Variants in ATXN2 observed in about 807,000 individuals in gnomAD.
ATXN2 encodes ataxin-2.
A neutral mutation model predicts 138.6 loss-of-function variants in ATXN2; 37 were observed. The ratio of observed to expected loss-of-function variants is 0.27; its 90% confidence interval spans 0.21 to 0.35. ATXN2 has a LOEUF of 0.35. Ranked by LOEUF, ATXN2 falls within the 10% of genes least tolerant of loss-of-function variation. The pLI is 1.00. For missense variants in ATXN2, 1,216 were observed against 1,480.3 expected (o/e 0.82, Z 2.93); for synonymous variants, 549 against 543.7 (o/e 1.01, Z -0.13).
At chr12:111,588,879 C>A (rs1884484131) in intron 1 of ATXN2, among the ~76,000 whole-genome samples, 1 of 149,554 alleles carries the variant, frequency 6.7e-6, no homozygotes, top group Admixed American at 6.8e-5. Context: ...CATGTAGTCC[C>A]AGCTACTCGG....
chr12:111,561,872 C>A (rs965957256), intron 1 of ATXN2, among the ~76,000 whole-genome samples: 3 of 151,558 alleles, frequency 2.0e-5, no homozygotes, highest in African/African-American at 7.3e-5. Flanking sequence ...AGTGCAGTGG[C>A]ATGATCTTGA....
Position 111,598,743 on chromosome 12 carries a change from G to A in ATXN2, c.251+41C>T. 8.7e-7 allele frequency: 1 copy of A among 1,152,270 alleles called. No homozygotes were observed. Among genetic ancestry groups the A allele is most frequent in the East Asian group, 4.1e-5 (1 of 24,608 alleles). 71.4% of individuals were successfully genotyped at this position (1,152,270 alleles called of 1,614,324 possible). On this transcript the variant is annotated intron_variant, in intron 1 of 24. Coordinates refer to ENST00000673436, the MANE Select transcript of ATXN2 (RefSeq NM_001372574.1). The surrounding 1 kb of genome is among the most constrained non-coding windows in gnomAD (Gnocchi z 4.5). ...CGGCGCGGGCCGCGGGGGAGGGGAC[G>A]CCGGGCCCGGAGCGGAGGGGGCTGG...
At chr12:111,563,422 G>T (rs1244721134) in intron 1 of ATXN2, among the ~76,000 whole-genome samples, 1 of 152,088 alleles carries the variant, frequency 6.6e-6, no homozygotes, top group African/African-American at 2.4e-5. Context: ...CAGAATAACA[G>T]TTTGACACAA....
chr12:111,542,833 T>C (rs1189786324), intron 5 of ATXN2, among the ~76,000 whole-genome samples: 1 of 152,160 alleles, frequency 6.6e-6, no homozygotes, highest in East Asian at 1.9e-4. Context: ...CACACAGTAT[T>C]TTTTTATCGT....
intron 21 of ATXN2, among the ~76,000 whole-genome samples, chr12:111,459,394 C>G (rs1479722245): frequency 6.6e-6 from 1 of 152,176 alleles, no homozygotes; most frequent in Admixed American, 6.5e-5. Context: ...AAATTTCGAA[C>G]CTGAGTTTGT....
At chr12:111,539,232 C>T (rs1881356463) in intron 5 of ATXN2, among the ~76,000 whole-genome samples, 1 of 149,980 alleles carries the variant, frequency 6.7e-6, no homozygotes, top group African/African-American at 2.4e-5. Flanking sequence ...GCCTGTAATC[C>T]GAGCACTTTG....
chr12:111,485,427 T>C, intron 17 of ATXN2, 96 bp from the exon 18 acceptor site: 2 of 1,234,476 alleles, frequency 1.6e-6, no homozygotes, highest in Non-Finnish European at 2.3e-6. Context: ...GAGCTAGGCA[T>C]GAGAAGGTTT....
At chr12:111,550,056 C>T (rs1377948248) in intron 5 of ATXN2, among the ~76,000 whole-genome samples, 4 of 133,698 alleles carry the variant, frequency 3.0e-5, no homozygotes, top group Admixed American at 1.6e-4. Context: ...AGCGAAACTC[C>T]GTCTCCAAAA....
Position 111,599,081 on chromosome 12 carries a change from G to A in ATXN2, c.-47C>T, listed in dbSNP as rs1205645770. The A allele has an allele frequency of 2.4e-5, 33 of 1,381,060 alleles. No individual in the cohort carries two copies. The highest frequency in any genetic ancestry group is 3.1e-5 in the Non-Finnish European group (33 of 1,066,382). 85.6% of individuals were successfully genotyped at this position (1,381,060 alleles called of 1,614,324 possible). On this transcript the variant is annotated 5_prime_UTR_variant, in exon 1 of 25. Coordinates refer to ENST00000673436, the MANE Select transcript of ATXN2 (RefSeq NM_001372574.1). ...CTCGCACGCCGGGCGGGGACAGCCG[G>A]GAGCCGGGCGCGCCAAGGAGACGCC... is the stretch of plus-strand genomic sequence containing the variant.
chr12:111,462,942 T>C (rs1875692262), intron 21 of ATXN2, among the ~76,000 whole-genome samples: 1 of 148,834 alleles, frequency 6.7e-6, no homozygotes, highest in African/African-American at 2.6e-5. Flanking sequence ...TAGCACCAAA[T>C]AAATTATATA....
At position 111,518,855 on chromosome 12, in the gene ATXN2, T is replaced by C. The variant is rs192618028; in HGVS notation, c.987-428A>G. On this transcript the variant is annotated intron_variant, in intron 8 of 24. Coordinates refer to ENST00000673436, the MANE Select transcript of ATXN2 (RefSeq NM_001372574.1). The stretch of plus-strand genomic sequence containing the variant: ...TCAAACTGAACCGCCAGTCTCACAG[T>C]GTCAACATCTATCAGTGGACATGTC... Among the ~76,000 whole-genome samples the C allele has an allele frequency of 1.9e-3, 296 of 152,292 alleles. 6 individuals are homozygous for C. The highest frequency in any genetic ancestry group is 3.7e-3 in the East Asian group (19 of 5,180).
At chr12:111,509,119 A>C (rs1288793264) in intron 14 of ATXN2, among the ~76,000 whole-genome samples, 1 of 152,228 alleles carries the variant, frequency 6.6e-6, no homozygotes, top group Non-Finnish European at 1.5e-5. Flanking sequence ...ACAGAGAAAT[A>C]ATGTTACAGA....
intron 1 of ATXN2, among the ~76,000 whole-genome samples, chr12:111,567,584 C>T (rs534240278): frequency 1.1e-4 from 16 of 151,886 alleles, no homozygotes; most frequent in African/African-American, 3.9e-4. Flanking sequence ...GAGACCAAGG[C>T]GGGCAGATCA....
intron 14 of ATXN2, among the ~76,000 whole-genome samples, chr12:111,507,657 G>C (rs1008051636): frequency 3.3e-5 from 5 of 152,378 alleles, no homozygotes; most frequent in Middle Eastern, 6.8e-3. Context: ...CGTCTGGGAG[G>C]TGTACCCAAC....
chr12:111,547,828 G>T (rs1468106032), intron 5 of ATXN2, among the ~76,000 whole-genome samples: 6 of 134,590 alleles, frequency 4.5e-5, no homozygotes, highest in African/African-American at 8.3e-5. Flanking sequence ...ATCTTATATT[G>T]CTTGAGAATT....
chr12:111,512,451 CTTTT>C (rs559068103), intron 11 of ATXN2: 4 of 120,152 alleles, frequency 3.3e-5, no homozygotes, highest in Non-Finnish European at 6.8e-5. Flanking sequence ...AGTTTTTAAA[CTTTT>C]TTTTTTTTTT....
chr12:111,458,724 T>C (rs1010181857), intron 21 of ATXN2, among the ~76,000 whole-genome samples: 25 of 152,190 alleles, frequency 1.6e-4, no homozygotes, highest in Admixed American at 1.2e-3. Flanking sequence ...GCAGGACTGA[T>C]TGGTGAGAGA....
chr12:111,598,972 C>CTGCTGT lies in ATXN2; in HGVS notation c.57_62dup (p.Gln27_Gln28dup). On this transcript the variant is annotated inframe_insertion, in exon 1 of 25. Transcript: ENST00000673436. The surrounding 1 kb of genome is among the most constrained non-coding windows in gnomAD (Gnocchi z 4.5). ...GCGGCTGCTGCTGCTGCTGCTGCTG[C>CTGCTGT]TGCTGTTGCTGCTGCTGCTGCTGCT... 2.1e-6 allele frequency: 3 copies of CTGCTGT among 1,428,650 alleles called. No individual in the cohort carries two copies. The highest frequency in any genetic ancestry group is 2.8e-6 in the Non-Finnish European group (3 of 1,070,550). 88.5% of individuals were successfully genotyped at this position (1,428,650 alleles called of 1,614,324 possible).
At chr12:111,548,164 C>A (rs1447762638) in intron 5 of ATXN2, among the ~76,000 whole-genome samples, 1 of 152,100 alleles carries the variant, frequency 6.6e-6, no homozygotes, top group Non-Finnish European at 1.5e-5. Flanking sequence ...CTGTACCCAG[C>A]CTGGGCGACA....
Sources: allele counts gnomAD v4.1 joint callset (sites outside exome capture counted in the v4.1 genomes callset), GRCh38; gene constraint gnomAD v4.1.1; non-coding constraint Gnocchi (gnomAD v3.1); transcripts MANE v1.5; gene names NCBI Gene and HGNC (gene_info 2026-07-23, HGNC 2026-07-21).